DCTN6: variants seen among roughly 807,000 people sequenced by gnomAD.
The protein encoded by DCTN6 is dynactin subunit 6.
Under a neutral mutation model 25.8 loss-of-function variants are expected in DCTN6, and 15 were observed. That is an observed-to-expected ratio of 0.58 (90% CI 0.39 to 0.89). The LOEUF (loss-of-function observed/expected upper bound fraction) is 0.89, where lower values mean the gene tolerates loss of function less well. Ranked by LOEUF, DCTN6 falls within the 40% of genes least tolerant of loss-of-function variation. The pLI, the probability that DCTN6 is intolerant of heterozygous loss-of-function variation, is 0.00. For missense variants in DCTN6, 198 were observed against 237.6 expected, an observed-to-expected ratio of 0.83 and a Z score of 1.09; for synonymous variants, 64 against 78.3, an observed-to-expected ratio of 0.82 and a Z score of 0.96.
At chr8:30,169,947 C>T (rs1803740164) in intron 2 of DCTN6, among the ~76,000 whole-genome samples, 1 of 152,096 alleles carries the variant, frequency 6.6e-6, no homozygotes, top group Admixed American at 6.6e-5. Context: ...CCGAGTCGAG[C>T]GGATTTCCTG....
chr8:30,162,060 A>G (rs370738485), intron 1 of DCTN6, among the ~76,000 whole-genome samples: 2 of 147,480 alleles, frequency 1.4e-5, no homozygotes, highest in South Asian at 4.3e-4. Flanking sequence ...ATATTTTTAC[A>G]TAAGCATTCT....
intron 2 of DCTN6, 116 bp downstream of exon 2, chr8:30,164,291 A>G: frequency 1.2e-6 from 1 of 816,896 alleles, no homozygotes; most frequent in East Asian, 2.7e-5. Flanking sequence ...AGTTTTATTG[A>G]CAAAATAATG....
At chr8:30,171,448 G>A (rs1436425138) in intron 2 of DCTN6, among the ~76,000 whole-genome samples, 1 of 151,872 alleles carries the variant, frequency 6.6e-6, no homozygotes, top group African/African-American at 2.4e-5. Flanking sequence ...TGTAGAGAAG[G>A]GGGTCTGACT....
chr8:30,169,052 A>G (rs1356608858), intron 2 of DCTN6, among the ~76,000 whole-genome samples: 2 of 152,364 alleles, frequency 1.3e-5, no homozygotes, highest in East Asian at 1.9e-4. Flanking sequence ...TCAGGACATC[A>G]GTATGTGAAG....
intron 2 of DCTN6, among the ~76,000 whole-genome samples, chr8:30,172,202 G>A (rs1419215145): frequency 6.6e-6 from 1 of 151,980 alleles, no homozygotes; most frequent in Non-Finnish European, 1.5e-5. Context: ...ATGTCTAAAT[G>A]CCATTATTAA....
In DCTN6 at chr8:30,180,508, A is replaced by G; in HGVS notation, c.352A>G (p.Ile118Val). Residue 118 changes from isoleucine (I) to valine (V), a missense_variant, in exon 6 of 7, where the codon ATA becomes GTA. Physicochemically the swap from Ile to Val is conservative, Grantham distance 29. Transcript: ENST00000221114. ...ESKAYVGRNV[I>V]LTSGCIIGAC... ...TGCAGCATATGTAGGCAGAAATGTA[A>G]TATTGACAAGTGGCTGCATCATTGG... 6.2e-7 allele frequency: 1 copy of G among 1,613,526 alleles called. No individual in the cohort carries two copies. Among genetic ancestry groups the G allele is most frequent in the South Asian group, 1.1e-5 (1 of 90,902 alleles).
intron 4 of DCTN6, 95 bp from the exon 5 acceptor site, chr8:30,179,313 C>T: frequency 9.9e-7 from 1 of 1,013,576 alleles, no homozygotes; most frequent in Non-Finnish European, 1.5e-6. Context: ...ATCTGACACC[C>T]CTGTCCTCTG....
At position 30,177,108 on chromosome 8, in the gene DCTN6, T is replaced by C. The variant is rs181657934; in HGVS notation, c.195-18T>C. 9.6e-5 allele frequency: 153 copies of C among 1,587,414 alleles called. No homozygotes were observed. The Admixed American group carries it at 1.3e-3, about 14-fold the overall frequency. On this transcript the variant is annotated intron_variant, in intron 3 of 6. Transcript: ENST00000221114. The stretch of plus-strand genomic sequence containing the variant: ...TGTGTTATTGACTTTTTGGATGATT[T>C]GTTTCTTCTGTTTACAGTTACCCAG...
intron 2 of DCTN6, among the ~76,000 whole-genome samples, chr8:30,171,749 A>G (rs2117588990): frequency 6.6e-6 from 1 of 152,280 alleles, no homozygotes; most frequent in African/African-American, 2.4e-5. Flanking sequence ...ACTATGAAAA[A>G]GTTGTGCATT....
chr8:30,166,338 A>T, intron 2 of DCTN6, among the ~76,000 whole-genome samples: 1 of 142,328 alleles, frequency 7.0e-6, no homozygotes, highest in Non-Finnish European at 1.5e-5. Context: ...TTTTTGAGAC[A>T]GGGTCTCGCT....
rs763975843 is a variant in DCTN6, at chr8:30,175,211, G to A, written c.194+21G>A. ...AATGCGTAAGACTCTTATACATACT[G>A]TGAACCAAGTACCATGGGTAACGGT... On this transcript the variant is annotated intron_variant, in intron 3 of 6. Coordinates refer to ENST00000221114, the MANE Select transcript of DCTN6 (RefSeq NM_006571.4). 30 of 1,595,864 alleles carry A rather than the reference G, an allele frequency of 1.9e-5. No homozygotes were observed. In the South Asian group the frequency reaches 3.0e-4, roughly 16 times the overall value.
At chr8:30,169,303 T>G (rs1197222245) in intron 2 of DCTN6, among the ~76,000 whole-genome samples, 2 of 150,800 alleles carry the variant, frequency 1.3e-5, no homozygotes, top group Non-Finnish European at 2.9e-5. Flanking sequence ...CTTAAGGCCT[T>G]TTGAATTATT....
chr8:30,175,423 G>C (rs1487245626), intron 3 of DCTN6, among the ~76,000 whole-genome samples: 1 of 152,096 alleles, frequency 6.6e-6, no homozygotes, highest in Admixed American at 6.6e-5. Context: ...TTTGACGCTC[G>C]GTCTGGTGAT....
rs1044361405 is a variant in DCTN6, at chr8:30,156,399, C to A, written c.16C>A (p.Gln6Lys). Residue 6 changes from glutamine to lysine, a missense_variant, in exon 1 of 7, where the codon CAA (glutamine) becomes AAA (lysine). Gln to Lys is a moderately conservative substitution (Grantham distance 53, BLOSUM62 1). Coordinates refer to ENST00000221114, the MANE Select transcript of DCTN6 (RefSeq NM_006571.4). ...GGGCCGTACCATGGCGGAGAAGACTCAAAAGAGGTGGGTTTGCTGCTTGAG... is the reference window on the plus strand; with the variant it reads ...GGGCCGTACCATGGCGGAGAAGACTAAAAAGAGGTGGGTTTGCTGCTTGAG... MAEKT[Q>K]KSVKIAPGAV... is the part of the protein sequence containing the mutation. 1 of 1,605,734 alleles carries A rather than the reference C, an allele frequency of 6.2e-7. No individual in the cohort carries two copies. Among genetic ancestry groups the A allele is most frequent in the African/African-American group, 1.3e-5 (1 of 74,902 alleles).
intron 3 of DCTN6, among the ~76,000 whole-genome samples, chr8:30,175,527 G>GTT (rs1041147996): frequency 3.6e-5 from 5 of 139,248 alleles, no homozygotes; most frequent in African/African-American, 1.0e-4. Flanking sequence ...ACCCTGCAGA[G>GTT]TTTTTTTTTT....
intron 1 of DCTN6, among the ~76,000 whole-genome samples, chr8:30,161,614 T>C (rs1298076861): frequency 6.6e-6 from 1 of 152,160 alleles, no homozygotes; most frequent in Non-Finnish European, 1.5e-5. Context: ...TTCATGATTT[T>C]TGTGCTTCTT....
At chr8:30,165,442 GAAAAAA>G (rs552647890) in intron 2 of DCTN6, among the ~76,000 whole-genome samples, 1 of 112,204 alleles carries the variant, frequency 8.9e-6, no homozygotes, top group African/African-American at 3.2e-5. Context: ...TTTCTTTAAT[GAAAAAA>G]AAAAAAACCC....
intron 1 of DCTN6, 56 bp from the exon 2 acceptor site, chr8:30,164,055 C>T: frequency 6.9e-7 from 1 of 1,449,054 alleles, no homozygotes; most frequent in Non-Finnish European, 9.7e-7. Context: ...ACGGTAGCTC[C>T]TCCAACAGTA....
chr8:30,182,851 A>T (rs545120032), intron 6 of DCTN6, among the ~76,000 whole-genome samples: 6 of 152,122 alleles, frequency 3.9e-5, no homozygotes, highest in African/African-American at 1.4e-4. Flanking sequence ...AGTAGCTATG[A>T]CTACAGGGGT....
Sources: gnomAD v4.1 joint callset for allele counts (sites outside exome capture counted in the v4.1 genomes callset) on GRCh38, gnomAD v4.1.1 for gene constraint, MANE v1.5 for transcripts, NCBI Gene and HGNC (gene_info 2026-07-23, HGNC 2026-07-21) for gene names.